Variants in LINGO2 observed in about 807,000 individuals in gnomAD.
The protein encoded by LINGO2 is leucine-rich repeat and immunoglobulin-like domain-containing nogo receptor-interacting protein 2.
LINGO2 carries 14 observed loss-of-function variants against 30.6 expected under a neutral mutation model. The ratio of observed to expected loss-of-function variants is 0.46; its 90% CI spans 0.30 to 0.72. The LOEUF is 0.72. Among genes scored for constraint, LINGO2 ranks in the 30% least tolerant of loss-of-function variants. The probability of loss-of-function intolerance (pLI) is 0.07; values close to 1 mark genes in which losing one functional copy is unlikely to be tolerated. For synonymous variants in LINGO2, 317 were observed against 288.5 expected (o/e 1.10, Z -1.00); for missense variants, 729 against 751.7 (o/e 0.97, Z 0.35).
intron 1 of LINGO2, among the ~76,000 whole-genome samples, chr9:28,602,741 G>C (rs993894838): frequency 6.6e-6 from 1 of 151,914 alleles, no homozygotes; most frequent in Admixed American, 6.6e-5. Context: ...TCCATATTTA[G>C]ATTTCTGAAG....
At chr9:28,412,298 T>C (rs1480663944) in intron 2 of LINGO2, among the ~76,000 whole-genome samples, 1 of 152,208 alleles carries the variant, frequency 6.6e-6, no homozygotes, top group East Asian at 1.9e-4. Flanking sequence ...TTTATGATTT[T>C]GAGCATCTTT....
At chr9:29,146,218 T>A in the LINGO2 span, among the ~76,000 whole-genome samples, 3 of 152,212 alleles carry the variant, frequency 2.0e-5, no homozygotes, top group Admixed American at 6.5e-5. Context: ...TAGCTAAGCG[T>A]GGTGGCAGGC....
At chr9:28,063,301 A>G (rs1041390738) in intron 4 of LINGO2, among the ~76,000 whole-genome samples, 22 of 152,212 alleles carry the variant, frequency 1.4e-4, no homozygotes, top group African/African-American at 5.3e-4. Flanking sequence ...TTTTTCTGAA[A>G]CAATATTAAT....
chr9:29,074,055 A>T, the LINGO2 span, among the ~76,000 whole-genome samples: 5 of 152,136 alleles, frequency 3.3e-5, no homozygotes, highest in East Asian at 3.9e-4. Flanking sequence ...TCTATAAAGA[A>T]TCATAAAGAG....
chr9:28,420,526 T>C (rs1823152697), intron 2 of LINGO2, among the ~76,000 whole-genome samples: 1 of 152,056 alleles, frequency 6.6e-6, no homozygotes, highest in Non-Finnish European at 1.5e-5. Context: ...TCACTTCCCA[T>C]CTACCATATG....
intron 1 of LINGO2, among the ~76,000 whole-genome samples, chr9:28,517,358 ACTTT>A (rs919827881): frequency 6.6e-6 from 1 of 152,146 alleles, no homozygotes; most frequent in Non-Finnish European, 1.5e-5. Context: ...CATCTAACAG[ACTTT>A]CTAGGAAGCA....
intron 4 of LINGO2, among the ~76,000 whole-genome samples, chr9:28,292,342 T>A (rs1052605861): frequency 6.6e-6 from 1 of 152,224 alleles, no homozygotes; most frequent in Non-Finnish European, 1.5e-5. Context: ...ATGGATTAAG[T>A]GAATTATTTT....
intron 2 of LINGO2, among the ~76,000 whole-genome samples, chr9:28,396,438 C>T (rs1374511996): frequency 6.6e-6 from 1 of 152,080 alleles, no homozygotes; most frequent in Non-Finnish European, 1.5e-5. Context: ...GGCGCAGTGG[C>T]TCATGCCTGT....
At chr9:28,896,228 T>C in the LINGO2 span, among the ~76,000 whole-genome samples, 1 of 152,294 alleles carries the variant, frequency 6.6e-6, no homozygotes, top group South Asian at 2.1e-4. Flanking sequence ...CTTTGTTGTG[T>C]TCATGTTAGC....
chr9:28,508,216 T>G (rs1010532901), intron 1 of LINGO2, among the ~76,000 whole-genome samples: 1 of 152,028 alleles, frequency 6.6e-6, no homozygotes, highest in Non-Finnish European at 1.5e-5. Context: ...TTGTTAAAAT[T>G]TCAAAAAAAA....
chr9:28,568,255 A>G (rs2135580656), intron 1 of LINGO2, among the ~76,000 whole-genome samples: 1 of 152,224 alleles, frequency 6.6e-6, no homozygotes, highest in East Asian at 1.9e-4. Flanking sequence ...GTTCTCACTT[A>G]CAAGTGGGAG....
At chr9:28,502,419 G>T (rs1045179101) in intron 1 of LINGO2, among the ~76,000 whole-genome samples, 2 of 151,868 alleles carry the variant, frequency 1.3e-5, no homozygotes, top group African/African-American at 4.8e-5. Flanking sequence ...AGTATTTCCA[G>T]CTTAGACCTT....
chr9:29,035,929 G>A, the LINGO2 span, among the ~76,000 whole-genome samples: 1 of 151,974 alleles, frequency 6.6e-6, no homozygotes, highest in African/African-American at 2.4e-5. Flanking sequence ...AAATCTTGGA[G>A]AAAACTGTTT....
intron 4 of LINGO2, among the ~76,000 whole-genome samples, chr9:28,284,288 G>C (rs1310089797): frequency 6.6e-6 from 1 of 152,086 alleles, no homozygotes; most frequent in Non-Finnish European, 1.5e-5. Flanking sequence ...TCCCACTGTA[G>C]TTTTCCCATT....
intron 4 of LINGO2, among the ~76,000 whole-genome samples, chr9:28,184,910 A>G (rs1219933536): frequency 6.6e-6 from 1 of 152,148 alleles, no homozygotes; most frequent in African/African-American, 2.4e-5. Flanking sequence ...TACTAATGAT[A>G]CGGTGGCTGT....
At chr9:27,983,027 A>T (rs1191227388) in intron 5 of LINGO2, among the ~76,000 whole-genome samples, 2 of 151,790 alleles carry the variant, frequency 1.3e-5, no homozygotes, top group African/African-American at 4.8e-5. Flanking sequence ...AATGAACTGA[A>T]CACATAAAAA....
At chr9:28,679,552 T>G in the LINGO2 span, among the ~76,000 whole-genome samples, 1 of 152,094 alleles carries the variant, frequency 6.6e-6, no homozygotes, top group African/African-American at 2.4e-5. Flanking sequence ...AGGACTGGCA[T>G]ACGAAAAGCT....
At chr9:29,189,105 C>T in the LINGO2 span, among the ~76,000 whole-genome samples, 1 of 77,350 alleles carries the variant, frequency 1.3e-5, no homozygotes, top group Admixed American at 1.5e-4. Context: ...GCCGACCGCC[C>T]CGCCTCCCTC....
chr9:29,115,699 A>G, the LINGO2 span, among the ~76,000 whole-genome samples: 1 of 152,060 alleles, frequency 6.6e-6, no homozygotes, highest in Non-Finnish European at 1.5e-5. Context: ...CATTACATTT[A>G]AAAGTATTTT....
Sources: gnomAD v4.1 joint callset for allele counts (sites outside exome capture counted in the v4.1 genomes callset) on GRCh38, gnomAD v4.1.1 for gene constraint, MANE v1.5 for transcripts, NCBI Gene and HGNC (gene_info 2026-07-23, HGNC 2026-07-21) for gene names.